The following SNRNP48 variants were observed in gnomAD, a reference collection of about 807,000 sequenced individuals.
The protein encoded by SNRNP48 is U11/U12 small nuclear ribonucleoprotein 48 kDa protein.
In SNRNP48, 43 loss-of-function variants were observed where a neutral mutation model predicts 47.0. The ratio of observed to expected loss-of-function variants is 0.92; its 90% confidence interval spans 0.72 to 1.18. The LOEUF (loss-of-function observed/expected upper bound fraction) is 1.18, where lower values mean the gene tolerates loss of function less well. Ranked by LOEUF, SNRNP48 falls within the 50% of genes most tolerant of loss-of-function variation. The pLI is 0.00. For synonymous variants in SNRNP48, 138 were observed against 144.0 expected (o/e 0.96, Z 0.30); for missense variants, 396 against 422.2 (o/e 0.94, Z 0.54).
intron 1 of SNRNP48, among the ~76,000 whole-genome samples, chr6:7,592,764 G>C (rs958132332): frequency 8.5e-5 from 13 of 152,098 alleles, no homozygotes; most frequent in Non-Finnish European, 1.9e-4. Context: ...GAGCGAGCGA[G>C]CGTAGTCAGG....
intron 6 of SNRNP48, among the ~76,000 whole-genome samples, chr6:7,603,798 T>A (rs1049357805): frequency 6.6e-6 from 1 of 152,248 alleles, no homozygotes; most frequent in African/African-American, 2.4e-5. Flanking sequence ...GTCCCTGTCA[T>A]ACTACCTTGG....
At position 7,595,084 on chromosome 6, in the gene SNRNP48, G is replaced by C. The variant is rs773749131; in HGVS notation, c.389G>C (p.Ser130Thr). ...KQARTAVGKDSDCYNQRIYSS... is the reference protein window; with the variant it reads ...KQARTAVGKDTDCYNQRIYSS... ...GCTAGAACTGCAGTTGGGAAAGACAGTGATTGTTATAATCAAAGTAAGTGG... is the reference window on the plus strand; with the variant it reads ...GCTAGAACTGCAGTTGGGAAAGACACTGATTGTTATAATCAAAGTAAGTGG... The change falls in exon 4 of 9, where the codon AGT becomes ACT. Residue 130 changes from serine (S) to threonine (T), a missense_variant. Transcript: ENST00000342415. The C allele has an allele frequency of 6.3e-7, 1 of 1,597,500 alleles. No homozygotes were observed.
chr6:7,604,045 A>G lies in SNRNP48; in HGVS notation c.717+1301A>G, dbSNP rs1045476366. On this transcript the variant is annotated intron_variant, in intron 6 of 8. Coordinates refer to ENST00000342415, the MANE Select transcript of SNRNP48 (RefSeq NM_152551.4). Reference sequence around the variant, plus strand: ...TGGCAAGGGCTTCATAGAGAAAAGCATTTGAGGGAAAGGGAGAAGCAAGGA... The same window carrying G: ...TGGCAAGGGCTTCATAGAGAAAAGCGTTTGAGGGAAAGGGAGAAGCAAGGA... Among the ~76,000 whole-genome samples, 4 of 151,536 alleles carry G rather than the reference A, an allele frequency of 2.6e-5. No individual in the cohort carries two copies. The East Asian group carries it at 5.8e-4, about 22-fold the overall frequency.
chr6:7,594,068 A>G, intron 2 of SNRNP48, 31 bp from the exon 3 acceptor site: 1 of 1,255,268 alleles, frequency 8.0e-7, no homozygotes, highest in Non-Finnish European at 1.1e-6. Flanking sequence ...ATTATCTGAT[A>G]CTTAAGAACA....
chr6:7,601,499 A>G lies in SNRNP48; in HGVS notation c.570A>G (p.Val190=). ...TTGAAAATGACAGCGATCTCTTTGT[A>G]GACTTGGCTGCCAAAATCAATCAAG... ...QIIENDSDLF[V]DLAAKINQDN... Residue 190 remains valine (V), a synonymous_variant, in exon 5 of 9, where the codon GTA becomes GTG. Coordinates refer to ENST00000342415, the MANE Select transcript of SNRNP48 (RefSeq NM_152551.4). 6.3e-7 allele frequency: 1 copy of G among 1,581,846 alleles called. No homozygotes were observed. The highest frequency in any genetic ancestry group is 8.5e-7 in the Non-Finnish European group (1 of 1,171,870).
chr6:7,590,497 G>A lies in SNRNP48; in HGVS notation c.156+84G>A, dbSNP rs1368734791. ...AGAAGGGAGATCCGCACTGGCAGCC[G>A]CGGAGGGAAGGGCGAGGAGTCCTCG... On this transcript the variant is annotated intron_variant, in intron 1 of 8. Transcript: ENST00000342415. 4.1e-6 allele frequency: 5 copies of A among 1,232,204 alleles called. No individual in the cohort carries two copies. The African/African-American group carries it at 6.2e-5, about 15-fold the overall frequency. 76.3% of individuals were successfully genotyped at this position (1,232,204 alleles called of 1,614,324 possible).
intron 8 of SNRNP48, among the ~76,000 whole-genome samples, chr6:7,606,405 G>T (rs1760129165): frequency 6.6e-6 from 1 of 152,180 alleles, no homozygotes; most frequent in Non-Finnish European, 1.5e-5. Flanking sequence ...TGCGTGATTG[G>T]ATGTTTTTTT....
At chr6:7,593,450 G>A (rs1759852560) in intron 1 of SNRNP48, among the ~76,000 whole-genome samples, 2 of 152,156 alleles carry the variant, frequency 1.3e-5, no homozygotes, top group Non-Finnish European at 2.9e-5. Flanking sequence ...AATGAGTGAG[G>A]AATCGTTATA....
intron 4 of SNRNP48, 35 bp downstream of exon 4, chr6:7,595,136 T>G (rs1759881566): frequency 6.7e-7 from 1 of 1,487,598 alleles, no homozygotes; most frequent in South Asian, 1.3e-5. Context: ...AATTAAAGAA[T>G]GAAATTATTA....
chr6:7,606,392 A>G (rs1373007920), intron 8 of SNRNP48, among the ~76,000 whole-genome samples, 197 bp downstream of exon 8: 1 of 152,254 alleles, frequency 6.6e-6, no homozygotes, highest in African/African-American at 2.4e-5. Flanking sequence ...ATAGATCTCT[A>G]CATGCGTGAT....
chr6:7,610,220 ATGAAATC>A lies in SNRNP48; in HGVS notation c.*1349_*1355del, dbSNP rs2113726632. Reference sequence around the variant, plus strand: ...TTAAAGATTTTGTTTCCAAGTAGAAATGAAATCTTATTATTTTAATAAGTAGCTGACA... The same window carrying A: ...TTAAAGATTTTGTTTCCAAGTAGAAATTATTATTTTAATAAGTAGCTGACA... On this transcript the variant is annotated 3_prime_UTR_variant, in exon 9 of 9. Transcript: ENST00000342415. 1 of 152,382 alleles carries A rather than the reference ATGAAATC, an allele frequency of 6.6e-6. No individual in the cohort carries two copies. Among genetic ancestry groups the A allele is most frequent in the South Asian group, 2.1e-4 (1 of 4,828 alleles). 9.4% of individuals were successfully genotyped at this position (152,382 alleles called of 1,614,324 possible). A position where few individuals can be genotyped will look rare whatever the true frequency, so the allele number is the denominator to read the frequency against.
chr6:7,605,008 A>ACTCT (rs35999016), intron 6 of SNRNP48, among the ~76,000 whole-genome samples: 6 of 148,152 alleles, frequency 4.0e-5, no homozygotes, highest in African/African-American at 9.9e-5. Context: ...TCTCATTGGC[A>ACTCT]CTCTCTCTCT....
At chr6:7,604,890 G>A (rs1760095524) in intron 6 of SNRNP48, among the ~76,000 whole-genome samples, 1 of 152,068 alleles carries the variant, frequency 6.6e-6, no homozygotes, top group Non-Finnish European at 1.5e-5. Context: ...AAAATCATTT[G>A]TAAATAAGCT....
chr6:7,608,811 C>T lies in SNRNP48; in HGVS notation c.972-14C>T, dbSNP rs749019901. 1 of 1,460,074 alleles carries T rather than the reference C, an allele frequency of 6.8e-7. No individual in the cohort carries two copies. Among genetic ancestry groups the T allele is most frequent in the Non-Finnish European group, 9.3e-7 (1 of 1,078,806 alleles). 90.4% of individuals were successfully genotyped at this position (1,460,074 alleles called of 1,614,324 possible). On this transcript the variant is annotated splice_polypyrimidine_tract_variant and intron_variant, in intron 8 of 8. Transcript: ENST00000342415. Reference sequence around the variant, plus strand: ...ATCATTTATAACCATTTTTTTATACCTCTTTTATTTCAGGGATGGGGAAAG... The same window carrying T: ...ATCATTTATAACCATTTTTTTATACTTCTTTTATTTCAGGGATGGGGAAAG...
Position 7,590,355 on chromosome 6 carries a change from C to T in SNRNP48, c.98C>T (p.Thr33Ile). Residue 33 changes from threonine to isoleucine, a missense_variant, in exon 1 of 9, where the codon ACC (threonine) becomes ATC (isoleucine). Thr to Ile is a moderately conservative substitution (Grantham distance 89). Coordinates refer to ENST00000342415, the MANE Select transcript of SNRNP48 (RefSeq NM_152551.4). ...ESGCRTLEEV[T>I]ASLGWDLDSL... ...GGCTGCCGGACGTTGGAGGAGGTGA[C>T]CGCGTCCCTGGGCTGGGACCTAGAT... is the stretch of plus-strand genomic sequence containing the variant. 7.2e-7 allele frequency: 1 copy of T among 1,388,836 alleles called. No individual in the cohort carries two copies. Among genetic ancestry groups the T allele is most frequent in the South Asian group, 1.9e-5 (1 of 54,034 alleles). 86.0% of individuals were successfully genotyped at this position (1,388,836 alleles called of 1,614,324 possible).
rs41302893 is a variant in SNRNP48 at position 7,611,537 on chromosome 6, G to C, written c.*2664G>C. The C allele has an allele frequency of 6.6e-6, 1 of 152,006 alleles. No individual in the cohort carries two copies. Among genetic ancestry groups the C allele is most frequent in the African/African-American group, 2.4e-5 (1 of 41,342 alleles). The allele number at this position is 152,006 out of a possible 1,614,324, so 9.4% of individuals were successfully genotyped here. On this transcript the variant is annotated 3_prime_UTR_variant, in exon 9 of 9. Transcript: ENST00000342415. ...CCCAGGGCACTGGTTATATTCAGTA[G>C]GAAACTGAACTCAGCACTCAGAATT...
At chr6:7,607,820 A>G (rs769652924) in intron 8 of SNRNP48, among the ~76,000 whole-genome samples, 6 of 152,232 alleles carry the variant, frequency 3.9e-5, no homozygotes, top group Non-Finnish European at 7.3e-5. Flanking sequence ...GTAATCAGGA[A>G]TTAAAGCTTA....
In SNRNP48 at chr6:7,593,753, C is replaced by T. The variant is rs1220948003; in HGVS notation, c.176C>T (p.Pro59Leu). The T allele has an allele frequency of 6.3e-7, 1 of 1,590,998 alleles. No individual in the cohort carries two copies. Among genetic ancestry groups the T allele is most frequent in the Non-Finnish European group, 8.5e-7 (1 of 1,170,282 alleles). The change falls in exon 2 of 9, where the codon CCA becomes CTA. Residue 59 changes from proline (P) to leucine (L), a missense_variant. Coordinates refer to ENST00000342415, the MANE Select transcript of SNRNP48 (RefSeq NM_152551.4). Reference sequence around the variant, plus strand: ...TTATAGGATGAAGTTGTGATATGTCCATACGATTCCAATCATCACATGCCT... The same window carrying T: ...TTATAGGATGAAGTTGTGATATGTCTATACGATTCCAATCATCACATGCCT... ...EAAEDEVVIC[P>L]YDSNHHMPKS...
intron 4 of SNRNP48, among the ~76,000 whole-genome samples, chr6:7,599,436 T>C (rs767842556): frequency 1.9e-4 from 29 of 152,152 alleles, no homozygotes; most frequent in Non-Finnish European, 2.8e-4. Flanking sequence ...TTATATATAT[T>C]TTGCCACAAA....
Sources: gnomAD v4.1 joint callset for allele counts (sites outside exome capture counted in the v4.1 genomes callset) on GRCh38, gnomAD v4.1.1 for gene constraint, MANE v1.5 for transcripts, NCBI Gene and HGNC (gene_info 2026-07-23, HGNC 2026-07-21) for gene names.